The following NUDT17 variants were observed in gnomAD, a reference collection of about 807,000 sequenced individuals.
NUDT17 encodes the protein nudix hydrolase 17, also known as m7GpppN-mRNA hydrolase NUDT17.
Under a neutral mutation model 38.6 loss-of-function variants are expected in NUDT17, and 38 were observed. The observed-to-expected ratio is 0.98, with a 90% CI of 0.76 to 1.29. The LOEUF (loss-of-function observed/expected upper bound fraction) is 1.29, where lower values mean the gene tolerates loss of function less well. Among genes scored for constraint, NUDT17 ranks in the 50% most tolerant of loss-of-function variants. The pLI is 0.00. For synonymous variants in NUDT17, 192 were observed against 167.8 expected (o/e 1.14, Z -1.11); for missense variants, 462 against 415.2 (o/e 1.11, Z -0.98).
chr1:145,846,029 CT>C lies in NUDT17; in HGVS notation c.213del (p.Phe71LeufsTer38). 2 of 1,603,358 alleles carry C rather than the reference CT, an allele frequency of 1.2e-6. No individual in the cohort carries two copies. Among genetic ancestry groups the C allele is most frequent in the South Asian group, 1.1e-5 (1 of 89,120 alleles). ...TTCTGCCAGCGACCCCCTTTCTGCC[CT>C]TTTGCGGCCCTGGAGGAGCGGCCCA... is the stretch of plus-strand genomic sequence containing the variant. The part of the protein sequence containing the change: ...RLPLQRPPFC[P>X]FAALEERPRV... On this transcript the variant is annotated frameshift_variant, in exon 2 of 8. Transcript: ENST00000334513. LOFTEE classifies it high-confidence loss of function.
In NUDT17 at chr1:145,847,342, G is replaced by A. The variant is rs782542997; in HGVS notation, c.588G>A (p.Gln196=). The change falls in exon 5 of 8, where the codon CAG becomes CAA. Residue 196 remains glutamine, a synonymous_variant. Coordinates refer to ENST00000334513, the MANE Select transcript of NUDT17 (RefSeq NM_001012758.3). ...LLVISQESQQ[Q]LQARIQPNPN... is the part of the protein sequence containing the mutation. ...TGATCTCCCAGGAATCACAGCAGCA[G>A]TTGCAGGTAGGGCTGGCAGTGAGGG... The A allele has an allele frequency of 6.2e-7, 1 of 1,603,600 alleles. No homozygotes were observed. Among genetic ancestry groups the A allele is most frequent in the Admixed American group, 1.7e-5 (1 of 59,252 alleles).
chr1:145,846,486 C>T, intron 3 of NUDT17, 28 bp downstream of exon 3: 1 of 1,610,614 alleles, frequency 6.2e-7, no homozygotes, highest in Middle Eastern at 1.7e-4. Context: ...CCAACCTGAG[C>T]CAAGAGACCC....
Position 145,845,897 on chromosome 1 carries a change from G to A in NUDT17, c.192+65G>A, listed in dbSNP as rs139553521. On this transcript the variant is annotated intron_variant, in intron 1 of 7. Transcript: ENST00000334513. ...CCAAAGATGGGGACTGAAATCGGGT[G>A]GGAACTGGCGGCGAGGACCCCGCCC... is the stretch of plus-strand genomic sequence containing the variant. The A allele has an allele frequency of 4.7e-4, 727 of 1,532,202 alleles. 3 individuals are homozygous for A. In the African/African-American group the frequency reaches 8.4e-3, roughly 18 times the overall value. The allele number at this position is 1,532,202 out of a possible 1,614,324, so 94.9% of individuals were successfully genotyped here.
In NUDT17 at chr1:145,847,330, A is replaced by T; in HGVS notation, c.576A>T (p.Glu192Asp). 2 of 1,610,716 alleles carry T rather than the reference A, an allele frequency of 1.2e-6. No individual in the cohort carries two copies. The highest frequency in any genetic ancestry group is 1.7e-6 in the Non-Finnish European group (2 of 1,178,252). ...IVLYLLVISQ[E>D]SQQQLQARIQ... Reference sequence around the variant, plus strand: ...TGTATCTACTCGTGATCTCCCAGGAATCACAGCAGCAGTTGCAGGTAGGGC... The same window carrying T: ...TGTATCTACTCGTGATCTCCCAGGATTCACAGCAGCAGTTGCAGGTAGGGC... The change falls in exon 5 of 8, where the codon GAA (glutamate) becomes GAT (aspartate). Residue 192 changes from glutamate (E) to aspartate (D), a missense_variant. Physicochemically the swap from Glu to Asp is conservative, Grantham distance 45 (BLOSUM62 2). Transcript: ENST00000334513.
intron 6 of NUDT17, 62 bp downstream of exon 6, chr1:145,847,781 C>T (rs1482713029): frequency 7.7e-6 from 12 of 1,550,348 alleles, no homozygotes; most frequent in African/African-American, 1.4e-5. Flanking sequence ...AGAAGTTCAG[C>T]GTCTATCCTG....
At position 145,848,371 on chromosome 1, in the gene NUDT17, C is replaced by G; in HGVS notation, c.885-6C>G. The G allele has an allele frequency of 6.2e-7, 1 of 1,613,632 alleles. No individual in the cohort carries two copies. The highest frequency in any genetic ancestry group is 1.3e-5 in the African/African-American group (1 of 75,022). ...AAGGACAACCTCTCTTGGAATTCCT[C>G]CACAGAACACCCCCACCGTGTAAAA... On this transcript the variant is annotated splice_polypyrimidine_tract_variant and splice_region_variant and intron_variant, in intron 7 of 7. Coordinates refer to ENST00000334513, the MANE Select transcript of NUDT17 (RefSeq NM_001012758.3).
Position 145,848,436 on chromosome 1 carries a change from G to A in NUDT17, c.944G>A (p.Trp315Ter). The A allele has an allele frequency of 6.2e-7, 1 of 1,614,150 alleles. No individual in the cohort carries two copies. Among genetic ancestry groups the A allele is most frequent in the East Asian group, 2.2e-5 (1 of 44,884 alleles). ...GACCCAGGGCCAGCAAAGGAAGAAT[G>A]GAACATGGACCCTCTTCCCCCAAAC... Reference protein sequence around the residue: ...YLDPGPAKEEWNMDPLPPNQG... With the variant: ...YLDPGPAKEE The change falls in exon 8 of 8, where the codon TGG (tryptophan) becomes TAG (stop). Residue 315 changes from tryptophan to a stop codon, truncating the protein, a stop_gained. Transcript: ENST00000334513. LOFTEE classifies it low-confidence loss of function (END_TRUNC).
chr1:145,845,852 A>G lies in NUDT17; in HGVS notation c.192+20A>G, dbSNP rs1553732195. The G allele has an allele frequency of 6.4e-7, 1 of 1,571,312 alleles. No individual in the cohort carries two copies. Among genetic ancestry groups the G allele is most frequent in the Non-Finnish European group, 8.6e-7 (1 of 1,157,726 alleles). ...CTCCAGGTCGGCAGAAGGGGGCCCC[A>G]GAGCGGGGGCAGTGAAGGGCCAAAG... On this transcript the variant is annotated intron_variant, in intron 1 of 7. Coordinates refer to ENST00000334513, the MANE Select transcript of NUDT17 (RefSeq NM_001012758.3).
intron 2 of NUDT17, 33 bp from the exon 3 acceptor site, chr1:145,846,400 A>G (rs1553732509): frequency 6.2e-7 from 1 of 1,613,896 alleles, no homozygotes; most frequent in South Asian, 1.1e-5. Flanking sequence ...CAAGACCACC[A>G]CCATTCACCT....
Position 145,848,760 on chromosome 1 carries a change from G to C in NUDT17, c.*281G>C, listed in dbSNP as rs1036255500. The C allele has an allele frequency of 6.0e-6, 2 of 334,138 alleles. No individual in the cohort carries two copies. The highest frequency in any genetic ancestry group is 2.1e-5 in the African/African-American group (1 of 46,982). 20.7% of individuals were successfully genotyped at this position (334,138 alleles called of 1,614,324 possible). A position where few individuals can be genotyped will look rare whatever the true frequency, so the allele number is the denominator to read the frequency against. ...CACTGTGAACTTAGATATATAAATA[G>C]AGAGAGACCCAAGCAATAGGCCGGG... On this transcript the variant is annotated 3_prime_UTR_variant, in exon 8 of 8. Coordinates refer to ENST00000334513, the MANE Select transcript of NUDT17 (RefSeq NM_001012758.3).
At chr1:145,847,418 A>C in intron 5 of NUDT17, 70 bp downstream of exon 5, 2 of 751,540 alleles carry the variant, frequency 2.7e-6, no homozygotes, top group Non-Finnish European at 4.3e-6. Flanking sequence ...GACTGTGATT[A>C]GGAGCTGGGC....
rs1553733291 is a variant in NUDT17, at chr1:145,848,434, A to C, written c.942A>C (p.Glu314Asp). 6.2e-7 allele frequency: 1 copy of C among 1,614,162 alleles called. No individual in the cohort carries two copies. Among genetic ancestry groups the C allele is most frequent in the Non-Finnish European group, 8.5e-7 (1 of 1,180,024 alleles). Residue 314 changes from glutamate (E) to aspartate (D), a missense_variant, in exon 8 of 8, where the codon GAA becomes GAC. Glu to Asp is a conservative substitution (Grantham distance 45). Transcript: ENST00000334513. ...AYLDPGPAKE[E>D]WNMDPLPPNQ... is the part of the protein sequence containing the mutation. ...TGGACCCAGGGCCAGCAAAGGAAGA[A>C]TGGAACATGGACCCTCTTCCCCCAA...
chr1:145,846,088 G>A lies in NUDT17; in HGVS notation c.268G>A (p.Gly90Ser). The A allele has an allele frequency of 6.2e-7, 1 of 1,604,772 alleles. No individual in the cohort carries two copies. Among genetic ancestry groups the A allele is most frequent in the Non-Finnish European group, 8.5e-7 (1 of 1,176,258 alleles). Residue 90 changes from glycine to serine, a missense_variant, in exon 2 of 8, where the codon GGT becomes AGT. Transcript: ENST00000334513. Reference sequence around the variant, plus strand: ...TGGGGCTGAGCTGCCCACAGATCGAGGTGTGGACCTGGGTGTGGCCGTCAT... The same window carrying A: ...TGGGGCTGAGCTGCCCACAGATCGAAGTGTGGACCTGGGTGTGGCCGTCAT... ...VPGAELPTDR[G>S]VDLGVAVILQ...
At chr1:145,846,554 G>A in intron 3 of NUDT17, 44 bp from the exon 4 acceptor site, 2 of 1,604,818 alleles carry the variant, frequency 1.2e-6, no homozygotes, top group Non-Finnish European at 1.7e-6. Context: ...GGACTTGGAA[G>A]AGTCAGGCAC....
chr1:145,846,048 G>A lies in NUDT17; in HGVS notation c.228G>A (p.Glu76=). ...PPFCPFAALE[E]RPRVPGAELP... Reference sequence around the variant, plus strand: ...TCTGCCCTTTTGCGGCCCTGGAGGAGCGGCCCAGGGTCCCTGGGGCTGAGC... The same window carrying A: ...TCTGCCCTTTTGCGGCCCTGGAGGAACGGCCCAGGGTCCCTGGGGCTGAGC... Residue 76 remains glutamate (E), a synonymous_variant, in exon 2 of 8, where the codon GAG becomes GAA. Transcript: ENST00000334513. 6.2e-7 allele frequency: 1 copy of A among 1,604,762 alleles called. No individual in the cohort carries two copies. Among genetic ancestry groups the A allele is most frequent in the Non-Finnish European group, 8.5e-7 (1 of 1,176,474 alleles).
Position 145,847,290 on chromosome 1 carries a change from A to C in NUDT17, c.536A>C (p.Tyr179Ser). Residue 179 changes from tyrosine (Y) to serine (S), a missense_variant, in exon 5 of 8, where the codon TAC becomes TCC. Tyr to Ser is a moderately radical substitution (Grantham distance 144, BLOSUM62 -2). Transcript: ENST00000334513. The stretch of plus-strand genomic sequence containing the variant: ...AGGCTGAGCTGGGGTTTACCCAAAT[A>C]CCATCACATTGTTCTGTATCTACTC... The part of the protein sequence containing the change: ...PPRLSWGLPK[Y>S]HHIVLYLLVI... 6.2e-7 allele frequency: 1 copy of C among 1,611,682 alleles called. No individual in the cohort carries two copies. The highest frequency in any genetic ancestry group is 8.5e-7 in the Non-Finnish European group (1 of 1,178,928).
Position 145,848,622 on chromosome 1 carries a change from A to G in NUDT17, c.*143A>G. 2 of 656,788 alleles carry G rather than the reference A, an allele frequency of 3.0e-6. No homozygotes were observed. The highest frequency in any genetic ancestry group is 5.2e-6 in the Non-Finnish European group (2 of 384,220). 40.7% of individuals were successfully genotyped at this position (656,788 alleles called of 1,614,324 possible). A position where few individuals can be genotyped will look rare whatever the true frequency, so the allele number is the denominator to read the frequency against. On this transcript the variant is annotated 3_prime_UTR_variant, in exon 8 of 8. Transcript: ENST00000334513. ...TCCTAGGCCTTGGCGAGCCTGAAAAAGAAGATTGGGAAGGAGGGCACAGGG... is the reference window on the plus strand; with the variant it reads ...TCCTAGGCCTTGGCGAGCCTGAAAAGGAAGATTGGGAAGGAGGGCACAGGG...
At chr1:145,846,337 C>A in intron 2 of NUDT17, 96 bp from the exon 3 acceptor site, 1 of 1,509,244 alleles carries the variant, frequency 6.6e-7, no homozygotes, top group Non-Finnish European at 9.2e-7. Flanking sequence ...GCAACTCCCT[C>A]TGTGTCCACT....
At position 145,846,017 on chromosome 1, in the gene NUDT17, C is replaced by A. The variant is rs781787418; in HGVS notation, c.197C>A (p.Pro66His). The A allele has an allele frequency of 2.4e-4, 389 of 1,599,884 alleles. No homozygotes were observed. Among genetic ancestry groups the A allele is most frequent in the Non-Finnish European group, 3.1e-4 (361 of 1,174,024 alleles). The change falls in exon 2 of 8, where the codon CCC becomes CAC. Residue 66 changes from proline to histidine, a missense_variant. By Grantham distance (77) the Pro-to-His change is moderately conservative. Coordinates refer to ENST00000334513, the MANE Select transcript of NUDT17 (RefSeq NM_001012758.3). ...GASARLPLQRPPFCPFAALEE... is the reference protein window; with the variant it reads ...GASARLPLQRHPFCPFAALEE... ...CAGCTGGCTTCCTTCTGCCAGCGAC[C>A]CCCTTTCTGCCCTTTTGCGGCCCTG...
Sources: allele counts gnomAD v4.1 joint callset, GRCh38; gene constraint gnomAD v4.1.1; transcripts MANE v1.5; gene names NCBI Gene and HGNC (gene_info 2026-07-23, HGNC 2026-07-21).